Variants in LINC00305 observed in about 807,000 individuals in gnomAD.
LINC00305 encodes the protein long independently transcribed non-coding RNA 305.
chr18:64,093,893 A>AC (rs2051234641), intron 3 of LINC00305, among the ~76,000 whole-genome samples: 2 of 151,334 alleles, frequency 1.3e-5, no homozygotes, highest in South Asian at 2.1e-4. Flanking sequence ...GGCATTGGTC[A>AC]CCCCACCTTT....
intron 3 of LINC00305, among the ~76,000 whole-genome samples, chr18:64,094,120 T>TTGTCTCCTCC: frequency 6.6e-6 from 1 of 152,244 alleles, no homozygotes; most frequent in East Asian, 1.9e-4. Context: ...GGCATTTCAT[T>TTGTCTCCTCC]TGTCTCCTCC....
At chr18:64,090,515 C>T (rs373350917) in intron 3 of LINC00305, among the ~76,000 whole-genome samples, 10 of 152,088 alleles carry the variant, frequency 6.6e-5, no homozygotes, top group Admixed American at 2.0e-4. Flanking sequence ...AAATGTTACC[C>T]GAAAGGGTTT....
chr18:64,098,011 G>A (rs1479428796), intron 2 of LINC00305: 2 of 457,726 alleles, frequency 4.4e-6, no homozygotes, highest in Non-Finnish European at 8.8e-6. Flanking sequence ...ATAAGGGACA[G>A]GAGAGTGGAG....
intron 1 of LINC00305, among the ~76,000 whole-genome samples, chr18:64,136,795 C>T (rs1277067423): frequency 6.6e-6 from 1 of 152,102 alleles, no homozygotes; most frequent in African/African-American, 2.4e-5. Context: ...GATTCTAGGC[C>T]CTGTTGTGCC....
rs112811523 is a variant in LINC00305 at position 64,131,270 on chromosome 18, G to A, written n.314+17505C>T. 8.1e-3 allele frequency among the ~76,000 whole-genome samples: 1,238 copies of A among 152,154 alleles called. 17 individuals are homozygous for A. Among genetic ancestry groups the A allele is most frequent in the African/African-American group, 0.028 (1,182 of 41,528 alleles). On this transcript the variant is annotated intron_variant and non_coding_transcript_variant, in intron 1 of 3. Coordinates refer to ENST00000666468, the Ensembl canonical transcript of LINC00305. The stretch of plus-strand genomic sequence containing the variant: ...ATGCTACCATTTATTTTTAAAATGC[G>A]GTATTCATTTCTTTATCATTTTAGA...
rs2051256586 is a variant in LINC00305, at chr18:64,098,670, G to T, written n.315-30C>A. On this transcript the variant is annotated intron_variant and non_coding_transcript_variant, in intron 1 of 3. Coordinates refer to ENST00000666468, the Ensembl canonical transcript of LINC00305. Reference sequence around the variant, plus strand: ...AAGTGAAAAAAGAAAATAAATTGTTGTTTTCAGTGAATGCTGCAAAACACA... The same window carrying T: ...AAGTGAAAAAAGAAAATAAATTGTTTTTTTCAGTGAATGCTGCAAAACACA... The T allele has an allele frequency of 7.2e-6, 3 of 418,488 alleles. No individual in the cohort carries two copies. In the Admixed American group the frequency reaches 9.0e-5, roughly 13 times the overall value. The allele number at this position is 418,488 out of a possible 1,614,324, so 25.9% of individuals were successfully genotyped here.
At chr18:64,141,582 GATA>G (rs779925226) in intron 1 of LINC00305, among the ~76,000 whole-genome samples, 5 of 152,158 alleles carry the variant, frequency 3.3e-5, no homozygotes, top group Non-Finnish European at 7.3e-5. Context: ...CCAAAGTTGA[GATA>G]ATGATAGTAT....
At chr18:64,134,662 G>C (rs9955621) in intron 1 of LINC00305, among the ~76,000 whole-genome samples, 24,751 of 152,014 alleles carry the variant, frequency 0.16, 2,107 homozygotes, top group South Asian at 0.19. Context: ...AAAATAGGGG[G>C]GTCCAAGTTA....
intron 1 of LINC00305, among the ~76,000 whole-genome samples, chr18:64,116,363 T>G (rs1002415124): frequency 6.6e-6 from 1 of 152,244 alleles, no homozygotes; most frequent in Admixed American, 6.5e-5. Context: ...GTAAAAATTA[T>G]GTTATGTTTG....
chr18:64,145,726 A>G, intron 1 of LINC00305, among the ~76,000 whole-genome samples: 1 of 152,192 alleles, frequency 6.6e-6, no homozygotes, highest in Non-Finnish European at 1.5e-5. Flanking sequence ...AGAACTGTAC[A>G]TTATCAAAAC....
At chr18:64,137,535 T>C (rs2051440615) in intron 1 of LINC00305, among the ~76,000 whole-genome samples, 1 of 152,208 alleles carries the variant, frequency 6.6e-6, no homozygotes, top group South Asian at 2.1e-4. Flanking sequence ...TGGACACAGA[T>C]ATCATATGTC....
At chr18:64,092,301 G>A (rs1335157844) in intron 3 of LINC00305, among the ~76,000 whole-genome samples, 1 of 152,216 alleles carries the variant, frequency 6.6e-6, no homozygotes, top group Non-Finnish European at 1.5e-5. Flanking sequence ...GGCGGCTCAC[G>A]CCTGTAATCC....
At chr18:64,128,595 C>G (rs1304810585) in intron 1 of LINC00305, among the ~76,000 whole-genome samples, 1 of 152,028 alleles carries the variant, frequency 6.6e-6, no homozygotes, top group Admixed American at 6.6e-5. Context: ...GGGAGAAATT[C>G]TCTGAATTTA....
At chr18:64,085,657 C>T (rs914266280) in intron 3 of LINC00305, among the ~76,000 whole-genome samples, 2 of 152,198 alleles carry the variant, frequency 1.3e-5, no homozygotes, top group Admixed American at 6.5e-5. Flanking sequence ...GATGGGGTTT[C>T]GCTATGTTGG....
At chr18:64,107,295 A>G (rs2051295298) in intron 1 of LINC00305, among the ~76,000 whole-genome samples, 1 of 152,242 alleles carries the variant, frequency 6.6e-6, no homozygotes, top group Non-Finnish European at 1.5e-5. Context: ...GGTAGAGGCC[A>G]TGTGCTACGA....
intron 3 of LINC00305, among the ~76,000 whole-genome samples, chr18:64,082,270 C>T (rs897094659): frequency 6.6e-6 from 1 of 151,802 alleles, no homozygotes; most frequent in African/African-American, 2.4e-5. Context: ...GGTAATCTGG[C>T]CCAATCAGGA....
At chr18:64,098,461 T>A (rs574472155) in intron 2 of LINC00305, 1 of 408,420 alleles carries the variant, frequency 2.4e-6, no homozygotes, top group African/African-American at 2.1e-5. Flanking sequence ...AGTGAGTTCA[T>A]GTACTCATAA....
chr18:64,111,742 C>G (rs1301701980), intron 1 of LINC00305, among the ~76,000 whole-genome samples: 1 of 152,110 alleles, frequency 6.6e-6, no homozygotes, highest in Non-Finnish European at 1.5e-5. Context: ...TCTCAACCTG[C>G]CTGAGTCAAG....
intron 1 of LINC00305, among the ~76,000 whole-genome samples, chr18:64,137,565 C>G (rs2051440854): frequency 6.6e-6 from 1 of 152,174 alleles, no homozygotes; most frequent in Non-Finnish European, 1.5e-5. Flanking sequence ...CGACTTGTTT[C>G]AAAAGTAAAG....
Sources: gnomAD v4.1 joint callset for allele counts (sites outside exome capture counted in the v4.1 genomes callset) on GRCh38, gnomAD v4.1.1 for gene constraint, MANE v1.5 for transcripts, NCBI Gene and HGNC (gene_info 2026-07-23, HGNC 2026-07-21) for gene names.